The following CHST9 variants were observed in gnomAD, a reference collection of about 807,000 sequenced individuals.
CHST9 encodes carbohydrate sulfotransferase 9.
In CHST9, 41 loss-of-function variants were observed where a neutral mutation model predicts 44.4. The ratio of observed to expected loss-of-function variants is 0.92; its 90% CI spans 0.72 to 1.20. CHST9 has a LOEUF of 1.20. CHST9 is among the 50% of genes most tolerant of loss of function. The pLI, the probability that CHST9 is intolerant of heterozygous loss-of-function variation, is 0.00. For synonymous variants in CHST9, 171 were observed against 178.4 expected, an observed-to-expected ratio of 0.96 and a Z score of 0.33; for missense variants, 504 against 516.5, an observed-to-expected ratio of 0.98 and a Z score of 0.23.
intron 2 of CHST9, among the ~76,000 whole-genome samples, chr18:27,063,808 G>GT (rs527551500): frequency 4.2e-5 from 6 of 142,870 alleles, no homozygotes; most frequent in South Asian, 2.5e-4. Context: ...TACATGTGTG[G>GT]TTTTTTTTAA....
chr18:27,062,478 A>C (rs568643904), intron 2 of CHST9, among the ~76,000 whole-genome samples: 3 of 152,188 alleles, frequency 2.0e-5, no homozygotes, highest in Non-Finnish European at 4.4e-5. Context: ...ATGTCCCCAC[A>C]AAGGACATGA....
chr18:27,135,529 G>A (rs76265057), intron 2 of CHST9, among the ~76,000 whole-genome samples: 2,678 of 152,254 alleles, frequency 0.018, 64 homozygotes, highest in African/African-American at 0.059. Context: ...TGCATGCCTT[G>A]TAGATGAGTG....
intron 2 of CHST9, among the ~76,000 whole-genome samples, chr18:27,111,134 G>C (rs145295091): frequency 1.3e-4 from 20 of 152,320 alleles, no homozygotes; most frequent in South Asian, 6.2e-4. Context: ...ATGACCATGA[G>C]AGAACAAACC....
intron 3 of CHST9, among the ~76,000 whole-genome samples, chr18:27,047,388 TTGTGTGTGTGTGTG>T (rs55698484): frequency 2.1e-5 from 3 of 145,552 alleles, no homozygotes; most frequent in Admixed American, 1.4e-4. Flanking sequence ...GCCTTCATAA[TTGTGTGTGTGTGTG>T]TGTGTGTGTG....
chr18:27,056,618 CACA>C (rs1438598043), intron 2 of CHST9, among the ~76,000 whole-genome samples: 1 of 152,106 alleles, frequency 6.6e-6, no homozygotes, highest in Non-Finnish European at 1.5e-5. Context: ...GAGTGCATAA[CACA>C]ACAATATTTA....
At chr18:26,974,678 C>T (rs1315233388) in intron 4 of CHST9, among the ~76,000 whole-genome samples, 2 of 146,094 alleles carry the variant, frequency 1.4e-5, no homozygotes, top group East Asian at 1.9e-4. Context: ...TTTTTTTTTT[C>T]CTTTTTTTTT....
intron 2 of CHST9, among the ~76,000 whole-genome samples, chr18:27,074,703 C>T (rs968552662): frequency 1.1e-4 from 17 of 151,574 alleles, no homozygotes; most frequent in Admixed American, 1.1e-3. Flanking sequence ...CCTAGCTTTG[C>T]AAAATTAACA....
chr18:27,021,817 T>C (rs907018228), intron 4 of CHST9, among the ~76,000 whole-genome samples: 28 of 152,216 alleles, frequency 1.8e-4, no homozygotes, highest in Admixed American at 5.2e-4. Context: ...TTTTATTTGA[T>C]TTTTTAGAGA....
chr18:27,123,997 G>A (rs1419280001), intron 2 of CHST9, among the ~76,000 whole-genome samples: 1 of 152,164 alleles, frequency 6.6e-6, no homozygotes, highest in Non-Finnish European at 1.5e-5. Context: ...AGTTATATGA[G>A]CTGTACAAAG....
At chr18:26,960,427 G>A (rs1957374174) in intron 4 of CHST9, among the ~76,000 whole-genome samples, 1 of 152,184 alleles carries the variant, frequency 6.6e-6, no homozygotes, top group African/African-American at 2.4e-5. Context: ...TAGCAAATTT[G>A]AAGTTTGGTG....
intron 4 of CHST9, among the ~76,000 whole-genome samples, chr18:27,000,622 G>GTCTGTCTATCTA (rs2056937775): frequency 6.8e-6 from 1 of 147,490 alleles, no homozygotes. Flanking sequence ...TATTTGTTTT[G>GTCTGTCTATCTA]TCTATCTATC....
intron 2 of CHST9, among the ~76,000 whole-genome samples, chr18:27,141,464 G>A (rs2058564912): frequency 1.3e-5 from 2 of 151,804 alleles, no homozygotes; most frequent in South Asian, 4.2e-4. Flanking sequence ...AGTGGTTTGT[G>A]CCTGTAGACC....
At chr18:27,004,679 T>C (rs1399193563) in intron 4 of CHST9, among the ~76,000 whole-genome samples, 1 of 152,168 alleles carries the variant, frequency 6.6e-6, no homozygotes, top group Non-Finnish European at 1.5e-5. Flanking sequence ...GTAATTTTGT[T>C]CTAACGGTTT....
At chr18:27,050,338 T>G in intron 2 of CHST9, among the ~76,000 whole-genome samples, 1 of 152,152 alleles carries the variant, frequency 6.6e-6, no homozygotes, top group East Asian at 1.9e-4. Context: ...ATGGTGTGTA[T>G]GAACACCACG....
intron 2 of CHST9, among the ~76,000 whole-genome samples, chr18:27,127,926 C>T (rs17705635): frequency 0.31 from 47,819 of 151,858 alleles, 8,171 homozygotes; most frequent in Non-Finnish European, 0.39. Flanking sequence ...TTTTCTGTGA[C>T]GACAGAGGAG....
intron 5 of CHST9, chr18:26,924,566 C>A (rs1322432453): frequency 1.1e-6 from 1 of 933,760 alleles, no homozygotes; most frequent in East Asian, 1.2e-4. Context: ...TTGTGATTTA[C>A]CTTGAATCTA....
At chr18:27,040,665 C>T (rs866694239) in intron 3 of CHST9, among the ~76,000 whole-genome samples, 4 of 152,222 alleles carry the variant, frequency 2.6e-5, no homozygotes, top group African/African-American at 7.2e-5. Flanking sequence ...GTTAAATAAT[C>T]AGACAATGTA....
intron 1 of CHST9, among the ~76,000 whole-genome samples, chr18:27,184,129 A>G (rs1359531707): frequency 6.6e-6 from 1 of 152,218 alleles, no homozygotes; most frequent in East Asian, 1.9e-4. Context: ...CCTGTTAAGC[A>G]TCCACGGCGT....
intron 2 of CHST9, among the ~76,000 whole-genome samples, chr18:27,075,627 A>G (rs1039615431): frequency 2.0e-5 from 3 of 152,218 alleles, no homozygotes; most frequent in Non-Finnish European, 4.4e-5. Flanking sequence ...TTTGTTTTTA[A>G]CAAAACTTAA....
Sources: allele counts gnomAD v4.1 joint callset (sites outside exome capture counted in the v4.1 genomes callset), GRCh38; gene constraint gnomAD v4.1.1; transcripts MANE v1.5; gene names NCBI Gene and HGNC (gene_info 2026-07-23, HGNC 2026-07-21).